TENM2: variants seen among roughly 807,000 people sequenced by gnomAD.
TENM2 encodes the protein teneurin transmembrane protein 2.
In TENM2, 52 loss-of-function variants were observed where a neutral mutation model predicts 245.2. The ratio of observed to expected loss-of-function variants is 0.21; its 90% confidence interval spans 0.17 to 0.27. The LOEUF (loss-of-function observed/expected upper bound fraction) is 0.27. Ranked by LOEUF, TENM2 falls within the 10% of genes least tolerant of loss-of-function variation. TENM2 has a pLI of 1.00. For synonymous variants in TENM2, 1,363 were observed against 1,438.9 expected, an observed-to-expected ratio of 0.95 and a Z score of 1.19; for missense variants, 3,046 against 3,666.8, an observed-to-expected ratio of 0.83 and a Z score of 4.37.
At chr5:168,196,023 A>G (rs941863255) in intron 15 of TENM2, among the ~76,000 whole-genome samples, 4 of 152,212 alleles carry the variant, frequency 2.6e-5, no homozygotes, top group African/African-American at 9.7e-5. Context: ...TGGGCTAAAA[A>G]ACACACAGAC....
intron 2 of TENM2, among the ~76,000 whole-genome samples, chr5:167,695,582 G>A (rs193219973): frequency 7.9e-5 from 12 of 152,014 alleles, no homozygotes; most frequent in Admixed American, 1.3e-4. Flanking sequence ...AGAGGGAAAG[G>A]GTTCAGGTTT....
chr5:168,167,477 CT>C (rs899862262), intron 13 of TENM2, among the ~76,000 whole-genome samples: 2 of 152,160 alleles, frequency 1.3e-5, no homozygotes, highest in Non-Finnish European at 2.9e-5. Flanking sequence ...CTATGAGATG[CT>C]TTCTCCCATC....
At chr5:167,420,615 ATGT>A (rs1763448431) in intron 2 of TENM2, among the ~76,000 whole-genome samples, 4 of 152,062 alleles carry the variant, frequency 2.6e-5, no homozygotes, top group Admixed American at 2.6e-4. Flanking sequence ...TTCATGTCTA[ATGT>A]TGTCTCCTTC....
chr5:167,874,403 G>A, intron 2 of TENM2, among the ~76,000 whole-genome samples: 1 of 152,072 alleles, frequency 6.6e-6, no homozygotes, highest in South Asian at 2.1e-4. Context: ...AATTATAAAA[G>A]CAACAATAAA....
chr5:167,266,140 T>G, the TENM2 span, among the ~76,000 whole-genome samples: 1 of 152,220 alleles, frequency 6.6e-6, no homozygotes, highest in Admixed American at 6.5e-5. Flanking sequence ...GGCGTCTCTT[T>G]ATTACAATGA....
chr5:168,018,888 A>G (rs1785899769), intron 5 of TENM2, among the ~76,000 whole-genome samples: 1 of 152,122 alleles, frequency 6.6e-6, no homozygotes, highest in Non-Finnish European at 1.5e-5. Flanking sequence ...CACACAGAGA[A>G]AATAGATGTG....
intron 2 of TENM2, among the ~76,000 whole-genome samples, chr5:167,704,239 G>A (rs569470310): frequency 6.6e-6 from 1 of 152,294 alleles, no homozygotes; most frequent in African/African-American, 2.4e-5. Context: ...CACCCAATCA[G>A]TCTTTTCACA....
At chr5:167,446,542 G>A (rs1468264376) in intron 2 of TENM2, among the ~76,000 whole-genome samples, 1 of 152,194 alleles carries the variant, frequency 6.6e-6, no homozygotes, top group Non-Finnish European at 1.5e-5. Context: ...ATCCGTTGCT[G>A]TGTATAAGAA....
At position 167,946,354 on chromosome 5, in the gene TENM2, G is replaced by A. The variant is rs745738660; in HGVS notation, c.713-6234G>A. Among the ~76,000 whole-genome samples, 5 of 114,080 alleles carry A rather than the reference G, an allele frequency of 4.4e-5. No homozygotes were observed. The South Asian group carries it at 8.1e-4, about 18-fold the overall frequency. 74.8% of individuals were successfully genotyped at this position (114,080 alleles called of 152,430 possible). On this transcript the variant is annotated intron_variant, in intron 3 of 28. Transcript: ENST00000518659. ...CATTCCTCATGCTGCCCCTCACGCC[G>A]CTGGTTAGGGAGCCAGGGATGCAGC...
intron 2 of TENM2, among the ~76,000 whole-genome samples, chr5:167,751,552 CTT>C (rs780301691): frequency 3.9e-5 from 6 of 152,082 alleles, no homozygotes; most frequent in Non-Finnish European, 8.8e-5. Context: ...AGAGAGGTCA[CTT>C]TTTGCAGAGA....
intron 2 of TENM2, among the ~76,000 whole-genome samples, chr5:167,455,773 A>G (rs1765882294): frequency 6.6e-6 from 1 of 152,140 alleles, no homozygotes; most frequent in African/African-American, 2.4e-5. Flanking sequence ...GGGTGATTAT[A>G]GTTTTCAAGC....
the TENM2 span, among the ~76,000 whole-genome samples, chr5:167,176,337 T>A: frequency 6.6e-6 from 1 of 152,224 alleles, no homozygotes; most frequent in African/African-American, 2.4e-5. Context: ...TTTGTGAAGC[T>A]TTTCTTGAAC....
the TENM2 span, among the ~76,000 whole-genome samples, chr5:167,211,379 T>C: frequency 6.6e-6 from 1 of 152,238 alleles, no homozygotes; most frequent in African/African-American, 2.4e-5. Flanking sequence ...TTTATACTAC[T>C]TGATAAAATT....
chr5:167,420,714 T>C (rs898857957), intron 2 of TENM2, among the ~76,000 whole-genome samples: 1 of 152,182 alleles, frequency 6.6e-6, no homozygotes, highest in Admixed American at 6.5e-5. Context: ...TTTATCATGA[T>C]ACCTCGTCTT....
intron 12 of TENM2, among the ~76,000 whole-genome samples, chr5:168,153,182 C>G (rs1044945172): frequency 5.9e-5 from 9 of 152,126 alleles, no homozygotes; most frequent in African/African-American, 2.2e-4. Context: ...CGCTTGCTCT[C>G]ATCATCCATT....
intron 5 of TENM2, among the ~76,000 whole-genome samples, chr5:168,039,731 A>G (rs936739149): frequency 6.6e-6 from 1 of 152,074 alleles, no homozygotes; most frequent in African/African-American, 2.4e-5. Context: ...CAAGGAAAAG[A>G]AAGTGGCTGT....
intron 2 of TENM2, among the ~76,000 whole-genome samples, chr5:167,705,284 A>G (rs1387472505): frequency 6.6e-6 from 1 of 152,194 alleles, no homozygotes; most frequent in Non-Finnish European, 1.5e-5. Flanking sequence ...TATTATCAAC[A>G]TATAACCAGC....
chr5:167,826,504 G>A (rs1206120940), intron 2 of TENM2, among the ~76,000 whole-genome samples: 3 of 152,210 alleles, frequency 2.0e-5, no homozygotes, highest in Non-Finnish European at 4.4e-5. Context: ...GATGTTAATA[G>A]CACCATTTCC....
the TENM2 span, among the ~76,000 whole-genome samples, chr5:167,236,971 A>G: frequency 6.6e-6 from 1 of 151,450 alleles, no homozygotes; most frequent in African/African-American, 2.4e-5. Context: ...AATGTTATCC[A>G]AGGTAAATGT....
Sources: allele counts gnomAD v4.1 joint callset (sites outside exome capture counted in the v4.1 genomes callset), GRCh38; gene constraint gnomAD v4.1.1; transcripts MANE v1.5; gene names NCBI Gene and HGNC (gene_info 2026-07-23, HGNC 2026-07-21).